LRRTM4: variants seen among roughly 807,000 people sequenced by gnomAD.
LRRTM4 encodes leucine rich repeat transmembrane neuronal 4.
LRRTM4 carries 25 observed loss-of-function variants against 47.6 expected under a neutral mutation model. The observed-to-expected ratio is 0.53, with a 90% CI of 0.38 to 0.73. The LOEUF (loss-of-function observed/expected upper bound fraction) is 0.73. Among genes scored for constraint, LRRTM4 ranks in the 30% least tolerant of loss-of-function variants. The pLI is 0.00. For missense variants in LRRTM4, 638 were observed against 713.4 expected (o/e 0.89, Z 1.20); for synonymous variants, 311 against 269.5 (o/e 1.15, Z -1.51).
chr2:77,071,198 A>G (rs1680144503), intron 3 of LRRTM4, among the ~76,000 whole-genome samples: 2 of 152,222 alleles, frequency 1.3e-5, no homozygotes, highest in Admixed American at 6.5e-5. Flanking sequence ...AAAATGATAC[A>G]TAAAATCCCA....
chr2:77,248,517 G>T (rs757598545), intron 3 of LRRTM4, among the ~76,000 whole-genome samples: 66 of 151,990 alleles, frequency 4.3e-4, no homozygotes, highest in Non-Finnish European at 7.5e-4. Flanking sequence ...AATCCCAGAA[G>T]CTTATCTTGT....
intron 3 of LRRTM4, among the ~76,000 whole-genome samples, chr2:77,208,051 G>A (rs183358048): frequency 6.6e-5 from 10 of 151,668 alleles, no homozygotes; most frequent in Non-Finnish European, 1.3e-4. Flanking sequence ...GCTAATTTTC[G>A]TATTTTTAGT....
intron 3 of LRRTM4, among the ~76,000 whole-genome samples, chr2:77,324,418 G>C (rs1282628696): frequency 1.3e-5 from 2 of 152,144 alleles, no homozygotes; most frequent in Admixed American, 6.6e-5. Flanking sequence ...AATAGTGTGA[G>C]AGCATATAAA....
chr2:77,174,628 G>A lies in LRRTM4; in HGVS notation c.1551+343690C>T, dbSNP rs1193056987. Reference sequence around the variant, plus strand: ...AGATTGCAGAGGGAATAAGGAGGGAGGCTGCCTGGTTGTTTTTTTTGTTTG... The same window carrying A: ...AGATTGCAGAGGGAATAAGGAGGGAAGCTGCCTGGTTGTTTTTTTTGTTTG... On this transcript the variant is annotated intron_variant, in intron 3 of 3. Transcript: ENST00000409884. Among the ~76,000 whole-genome samples the A allele has an allele frequency of 5.9e-5, 9 of 152,224 alleles. No individual in the cohort carries two copies. The East Asian group carries it at 1.7e-3, about 29-fold the overall frequency.
intron 3 of LRRTM4, among the ~76,000 whole-genome samples, chr2:76,784,442 A>G (rs1674565041): frequency 1.3e-5 from 2 of 152,082 alleles, no homozygotes; most frequent in African/African-American, 2.4e-5. Flanking sequence ...ACACACAAGT[A>G]CATGTCTACA....
intron 3 of LRRTM4, among the ~76,000 whole-genome samples, chr2:76,831,625 A>G (rs140592133): frequency 5.7e-4 from 87 of 152,256 alleles, no homozygotes; most frequent in African/African-American, 2.0e-3. Flanking sequence ...ATGACTTGAA[A>G]TGGTTTACTC....
At chr2:76,749,316 A>G (rs940578824) in intron 3 of LRRTM4, among the ~76,000 whole-genome samples, 6 of 152,196 alleles carry the variant, frequency 3.9e-5, no homozygotes, top group Non-Finnish European at 7.3e-5. Context: ...TACTAAGTAG[A>G]AAAATAATTA....
intron 3 of LRRTM4, among the ~76,000 whole-genome samples, chr2:77,325,512 CA>C (rs774552849): frequency 3.4e-4 from 52 of 152,060 alleles, no homozygotes; most frequent in South Asian, 6.2e-4. Context: ...AAAGTAAAGG[CA>C]GCGTGGGAAT....
At chr2:77,333,434 G>T (rs907300324) in intron 3 of LRRTM4, among the ~76,000 whole-genome samples, 3 of 152,134 alleles carry the variant, frequency 2.0e-5, no homozygotes, top group East Asian at 1.9e-4. Context: ...AGGCTGATGT[G>T]GTCTCACTGG....
rs574353858 is a variant in LRRTM4, at chr2:76,790,608, A to G, written c.1552-41692T>C. On this transcript the variant is annotated intron_variant, in intron 3 of 3. Coordinates refer to ENST00000409884, the MANE Select transcript of LRRTM4 (RefSeq NM_001134745.3). ...AGCACTTGATAAGCATTAGCTATTAATAAAATAATTCCCATTGCTATTTCT... is the reference window on the plus strand; with the variant it reads ...AGCACTTGATAAGCATTAGCTATTAGTAAAATAATTCCCATTGCTATTTCT... Among the ~76,000 whole-genome samples, 7 of 152,294 alleles carry G rather than the reference A, an allele frequency of 4.6e-5. No homozygotes were observed. In the South Asian group the frequency reaches 1.4e-3, roughly 32 times the overall value.
At chr2:77,364,681 C>T (rs1573315866) in intron 3 of LRRTM4, among the ~76,000 whole-genome samples, 2 of 151,952 alleles carry the variant, frequency 1.3e-5, no homozygotes, top group African/African-American at 4.8e-5. Context: ...CAGCTTCTAC[C>T]CCCAGAAGGA....
chr2:77,150,992 G>T (rs531865387), intron 3 of LRRTM4, among the ~76,000 whole-genome samples: 2 of 152,142 alleles, frequency 1.3e-5, no homozygotes, highest in African/African-American at 2.4e-5. Context: ...GTTTTACTGA[G>T]AAATAATTGG....
chr2:76,794,802 C>T (rs10170138), intron 3 of LRRTM4, among the ~76,000 whole-genome samples: 23,883 of 151,772 alleles, frequency 0.16, 2,037 homozygotes, highest in African/African-American at 0.2. Flanking sequence ...GAGCCAGTAG[C>T]ATCAATCCCC....
chr2:77,476,619 T>C (rs1375940303), intron 3 of LRRTM4, among the ~76,000 whole-genome samples: 1 of 152,120 alleles, frequency 6.6e-6, no homozygotes, highest in Admixed American at 6.6e-5. Context: ...TTGGAAAATC[T>C]TTACTATGGT....
chr2:77,263,028 C>T (rs1392150132), intron 3 of LRRTM4, among the ~76,000 whole-genome samples: 1 of 152,060 alleles, frequency 6.6e-6, no homozygotes, highest in East Asian at 1.9e-4. Flanking sequence ...TTACAATTTT[C>T]AGCTCCATCC....
At chr2:76,856,062 A>T (rs912736278) in intron 3 of LRRTM4, among the ~76,000 whole-genome samples, 1 of 152,170 alleles carries the variant, frequency 6.6e-6, no homozygotes, top group Non-Finnish European at 1.5e-5. Context: ...GGATTACCTG[A>T]GGTCAGGAGT....
chr2:76,894,630 T>C (rs973221592), intron 3 of LRRTM4, among the ~76,000 whole-genome samples: 2 of 151,980 alleles, frequency 1.3e-5, no homozygotes, highest in Non-Finnish European at 2.9e-5. Context: ...CTGAATTATA[T>C]CTGGTGATGG....
At chr2:77,241,272 A>G (rs1005141382) in intron 3 of LRRTM4, among the ~76,000 whole-genome samples, 2 of 151,648 alleles carry the variant, frequency 1.3e-5, no homozygotes, top group African/African-American at 4.8e-5. Flanking sequence ...ACCTAAATAT[A>G]AATGGTTGAT....
chr2:76,815,192 C>CA (rs1272525011), intron 3 of LRRTM4, among the ~76,000 whole-genome samples: 1 of 152,004 alleles, frequency 6.6e-6, no homozygotes, highest in Non-Finnish European at 1.5e-5. Context: ...ACTCTTCACA[C>CA]AAAAAGATTA....
Sources: gnomAD v4.1 joint callset for allele counts (sites outside exome capture counted in the v4.1 genomes callset) on GRCh38, gnomAD v4.1.1 for gene constraint, MANE v1.5 for transcripts, NCBI Gene and HGNC (gene_info 2026-07-23, HGNC 2026-07-21) for gene names.